The following TAF6 variants were observed in gnomAD, a reference collection of about 807,000 sequenced individuals.
TAF6 encodes the protein transcription initiation factor TFIID subunit 6.
A neutral mutation model predicts 73.5 loss-of-function variants in TAF6; 50 were observed. The observed-to-expected ratio is 0.68, with a 90% confidence interval of 0.54 to 0.86. The LOEUF is 0.86. TAF6 is among the 40% of genes least tolerant of loss of function. The pLI, the probability that TAF6 is intolerant of heterozygous loss-of-function variation, is 0.00. For missense variants in TAF6, 768 were observed against 899.5 expected, an observed-to-expected ratio of 0.85 and a Z score of 1.87; for synonymous variants, 424 against 376.7, an observed-to-expected ratio of 1.13 and a Z score of -1.45.
upstream of TAF6, chr7:100,124,609 T>C (rs769508965): frequency 3.7e-6 from 6 of 1,613,490 alleles, no homozygotes; most frequent in East Asian, 2.2e-5. Flanking sequence ...GTGAAGGTCA[T>C]GTGCTCCCAG....
chr7:100,108,113 G>A lies in TAF6; in HGVS notation c.1469C>T (p.Thr490Met), dbSNP rs762276173. 17 of 1,601,338 alleles carry A rather than the reference G, an allele frequency of 1.1e-5. No homozygotes were observed. Among genetic ancestry groups the A allele is most frequent in the African/African-American group, 4.0e-5 (3 of 74,964 alleles). ...TTLTITQPRPTLTLSQAPQPG... is the reference protein window; with the variant it reads ...TTLTITQPRPMLTLSQAPQPG... ...CTGTGGGGCCTGCGAGAGGGTCAGC[G>A]TGGGCCGGGGCTGCGGGGAGAAGAG... The change falls in exon 14 of 15, where the codon ACG becomes ATG. Residue 490 changes from threonine to methionine, a missense_variant. Around this residue, in one of 5 missense-constraint regions of TAF6, gnomAD observed 350 missense variants for 352.3 expected, o/e 0.99. Transcript: ENST00000453269.
At position 100,111,301 on chromosome 7, in the gene TAF6, A is replaced by G. The variant is rs1485547903; in HGVS notation, c.921T>C (p.Ala307=). Residue 307 remains alanine, a synonymous_variant, in exon 10 of 15, where the codon GCT becomes GCC. Coordinates refer to ENST00000453269, the MANE Select transcript of TAF6 (RefSeq NM_139315.3). ...GTCTGCTCACGATGCAGGTCATCAC[A>G]GCTGGAATCAGCTCATGGACCTAAG... ...LEKYVHELIP[A]VMTCIVSRQL... is the part of the protein sequence containing the mutation. The G allele has an allele frequency of 3.1e-6, 5 of 1,613,638 alleles. No homozygotes were observed. In the Admixed American group the frequency reaches 8.3e-5, roughly 27 times the overall value.
Position 100,108,730 on chromosome 7 carries a change from T to C in TAF6, c.1285-190A>G, listed in dbSNP as rs554817566. The C allele has an allele frequency of 5.7e-5, 31 of 546,354 alleles. No homozygotes were observed. In the South Asian group the frequency reaches 9.3e-4, roughly 16 times the overall value. 33.8% of individuals were successfully genotyped at this position (546,354 alleles called of 1,614,324 possible). Reference sequence around the variant, plus strand: ...GTGTGTGTACAGAACACTGTGGGCTTTCTCATAAGAAAAGATGGGCACGGG... The same window carrying C: ...GTGTGTGTACAGAACACTGTGGGCTCTCTCATAAGAAAAGATGGGCACGGG... On this transcript the variant is annotated intron_variant, in intron 12 of 14. Transcript: ENST00000453269.
rs1333624787 is a variant in TAF6, at chr7:100,111,761, C to T, written c.867G>A (p.Leu289=). The T allele has an allele frequency of 1.9e-6, 3 of 1,614,080 alleles. No individual in the cohort carries two copies. The highest frequency in any genetic ancestry group is 2.7e-5 in the African/African-American group (2 of 74,932). Residue 289 remains leucine, a synonymous_variant, in exon 9 of 15, where the codon CTG becomes CTA. Coordinates refer to ENST00000453269, the MANE Select transcript of TAF6 (RefSeq NM_139315.3). The part of the protein sequence containing the change: ...LIYLMRMVKA[L]MDNPTLYLEK... ...CTAGATAGAGCGTGGGGTTGTCCAT[C>T]AGCGCTTTCACCATACGCATCAGGT...
chr7:100,119,936 G>GT, upstream of TAF6: 2 of 1,373,712 alleles, frequency 1.5e-6, no homozygotes, highest in Non-Finnish European at 2.0e-6. Context: ...ATCCTAGCCT[G>GT]TATTGGGTGG....
upstream of TAF6, chr7:100,124,437 T>C: frequency 8.6e-7 from 1 of 1,166,910 alleles, no homozygotes; most frequent in East Asian, 2.4e-5. Context: ...ATCAGTCAGG[T>C]TGAGCAGGGA....
At position 100,110,231 on chromosome 7, in the gene TAF6, G is replaced by C. The variant is rs748298619; in HGVS notation, c.1127C>G (p.Ser376Cys). 1 of 1,614,098 alleles carries C rather than the reference G, an allele frequency of 6.2e-7. No individual in the cohort carries two copies. The highest frequency in any genetic ancestry group is 8.5e-7 in the Non-Finnish European group (1 of 1,180,008). ...EKTPWTTRYG[S>C]IAGLAELGHD... ...TCCCAGCTCAGCCAAGCCTGCGATG[G>C]AGCCATAACGAGTCGTCCAGGGCGT... The change falls in exon 11 of 15, where the codon TCC becomes TGC. Residue 376 changes from serine to cysteine, a missense_variant. Physicochemically the swap from Ser to Cys is moderately radical, Grantham distance 112. Coordinates refer to ENST00000453269, the MANE Select transcript of TAF6 (RefSeq NM_139315.3).
At chr7:100,109,665 G>GTTT (rs781546537) in intron 12 of TAF6, among the ~76,000 whole-genome samples, 1 of 145,096 alleles carries the variant, frequency 6.9e-6, no homozygotes, top group Non-Finnish European at 1.5e-5. Context: ...CGGCTTTTTG[G>GTTT]TTTTTTTTTT....
rs1003879299 is a variant in TAF6 at position 100,113,918 on chromosome 7, T to G, written c.193A>C (p.Lys65Gln). 9.3e-6 allele frequency: 15 copies of G among 1,613,996 alleles called. No individual in the cohort carries two copies. Among genetic ancestry groups the G allele is most frequent in the Non-Finnish European group, 1.1e-5 (13 of 1,180,038 alleles). The change falls in exon 3 of 15, where the codon AAG becomes CAG. Residue 65 changes from lysine to glutamine, a missense_variant. Physicochemically the swap from Lys to Gln is moderately conservative, Grantham distance 53. This residue lies in a region of TAF6 where 269 missense variants were observed against 268.0 expected (regional missense o/e 1.00). Coordinates refer to ENST00000453269, the MANE Select transcript of TAF6 (RefSeq NM_139315.3). ...TAGTCAATGTCACTGGTGGTGAGCT[T>G]CTGCCGCTTCCCCATGTGCATGAAC... Reference protein sequence around the residue: ...LKFMHMGKRQKLTTSDIDYAL... With the variant: ...LKFMHMGKRQQLTTSDIDYAL...
intron 10 of TAF6, 167 bp from the exon 11 acceptor site, chr7:100,110,441 C>T (rs145002891): frequency 3.3e-6 from 2 of 612,828 alleles, no homozygotes; most frequent in African/African-American, 1.8e-5. Context: ...CCGAGGCAGG[C>T]AGATCACCTG....
At chr7:100,108,746 T>C (rs1796850918) in intron 12 of TAF6, 5 of 501,862 alleles carry the variant, frequency 1.0e-5, no homozygotes, top group Non-Finnish European at 3.5e-6. Context: ...TAAGAAAAGA[T>C]GGGCACGGGG....
upstream of TAF6, among the ~76,000 whole-genome samples, chr7:100,123,942 A>T (rs192185008): frequency 3.9e-4 from 60 of 152,272 alleles, no homozygotes; most frequent in African/African-American, 1.3e-3. Context: ...CAGCCGGGCC[A>T]TCATAGTGAA....
upstream of TAF6, among the ~76,000 whole-genome samples, chr7:100,120,622 T>C (rs1239325523): frequency 6.6e-6 from 1 of 152,182 alleles, no homozygotes; most frequent in Non-Finnish European, 1.5e-5. Context: ...CATCTCTGTC[T>C]CCTTTCACCT....
chr7:100,121,114 A>ATTTTTTT (rs1798043118), upstream of TAF6: 2 of 31,162 alleles, frequency 6.4e-5, no homozygotes, highest in Non-Finnish European at 1.1e-4. Flanking sequence ...ATATATATAT[A>ATTTTTTT]TATTTTTTTT....
Position 100,116,597 on chromosome 7 carries a change from G to A in TAF6, c.-59-2329C>T, listed in dbSNP as rs4134887. On this transcript the variant is annotated intron_variant, in intron 1 of 14. Transcript: ENST00000453269. Reference sequence around the variant, plus strand: ...GAGGTTGCAGTGAGCAAAGATCTGTGTCATTGCACTCCAGCCTGGGCAACA... The same window carrying A: ...GAGGTTGCAGTGAGCAAAGATCTGTATCATTGCACTCCAGCCTGGGCAACA... The A allele has an allele frequency of 3.6e-3, 544 of 152,120 alleles. 3 individuals are homozygous for A. The highest frequency in any genetic ancestry group is 0.012 in the African/African-American group (515 of 41,474). 9.4% of individuals were successfully genotyped at this position (152,120 alleles called of 1,614,324 possible).
In TAF6 at chr7:100,108,501, G is replaced by A; in HGVS notation, c.1324C>T (p.Pro442Ser). Residue 442 changes from proline (P) to serine (S), a missense_variant, in exon 13 of 15, where the codon CCT (proline) becomes TCT (serine). Coordinates refer to ENST00000453269, the MANE Select transcript of TAF6 (RefSeq NM_139315.3). Reference protein sequence around the residue: ...APVLAKLRPPPDNQDAYRAEF... With the variant: ...APVLAKLRPPSDNQDAYRAEF... ...GCCCGATAGGCGTCCTGATTGTCAG[G>A]CGGTGGGCGCAGCTTTGCCAGAACA... is the stretch of plus-strand genomic sequence containing the variant. The A allele has an allele frequency of 6.2e-7, 1 of 1,613,420 alleles. No individual in the cohort carries two copies. Among genetic ancestry groups the A allele is most frequent in the South Asian group, 1.1e-5 (1 of 91,064 alleles).
At chr7:100,112,071 G>A (rs546587729) in intron 7 of TAF6, 37 bp downstream of exon 7, 8 of 1,613,692 alleles carry the variant, frequency 5.0e-6, no homozygotes, top group Admixed American at 1.7e-5. Context: ...CCAGGAGGAG[G>A]CGTCTCAGGG....
At chr7:100,109,717 C>T (rs1055753134) in intron 12 of TAF6, among the ~76,000 whole-genome samples, 1 of 151,802 alleles carries the variant, frequency 6.6e-6, no homozygotes, top group Non-Finnish European at 1.5e-5. Flanking sequence ...TGGCCTCATA[C>T]TCCTAGGCTC....
At chr7:100,119,541 C>T, upstream of TAF6, 2 of 1,374,746 alleles carry the variant, frequency 1.5e-6, no homozygotes, top group Non-Finnish European at 9.7e-7. Context: ...ACCCGGCTGC[C>T]AGGACCTTCA....
Sources: gnomAD v4.1 joint callset for allele counts (sites outside exome capture counted in the v4.1 genomes callset) on GRCh38, gnomAD v4.1.1 for gene constraint, gnomAD v4.1.1 regional missense constraint, MANE v1.5 for transcripts, NCBI Gene and HGNC (gene_info 2026-07-23, HGNC 2026-07-21) for gene names.